The following LTN1 variants were observed in gnomAD, a reference collection of about 807,000 sequenced individuals.
LTN1 encodes the protein listerin E3 ubiquitin protein ligase 1.
A neutral mutation model predicts 201.2 loss-of-function variants in LTN1; 88 were observed. The ratio of observed to expected loss-of-function variants is 0.44; its 90% CI spans 0.37 to 0.52. The LOEUF (loss-of-function observed/expected upper bound fraction) is 0.52. LTN1 is among the 20% of genes least tolerant of loss of function. The pLI is 0.00. For synonymous variants in LTN1, 645 were observed against 713.5 expected (o/e 0.90, Z 1.53); for missense variants, 1,752 against 2,038.7 (o/e 0.86, Z 2.71).
At chr21:28,958,347 T>A (rs1386334452) in intron 14 of LTN1, 39 bp downstream of exon 14, 1 of 1,574,164 alleles carries the variant, frequency 6.4e-7, no homozygotes. Context: ...ACTGTTCAAG[T>A]ATAAAAGAGA....
intron 26 of LTN1, among the ~76,000 whole-genome samples, chr21:28,935,819 G>A (rs374732232): frequency 2.1e-4 from 29 of 136,782 alleles, no homozygotes; most frequent in African/African-American, 7.8e-4. Context: ...CGGCCTGGGC[G>A]ACAGAGCGAG....
chr21:28,980,908 A>G (rs1490953838), intron 6 of LTN1, among the ~76,000 whole-genome samples: 3 of 152,242 alleles, frequency 2.0e-5, no homozygotes, highest in Admixed American at 1.3e-4. Context: ...ATGGTAATTC[A>G]TACTGATAAT....
At position 28,946,423 on chromosome 21, in the gene LTN1, T is replaced by A. The variant is rs531035014; in HGVS notation, c.3488-136A>T. ...AAGAACTCTAATAATGACTTTTATC[T>A]AAGAGTCAACAAATGAGCTTATAAG... is the stretch of plus-strand genomic sequence containing the variant. On this transcript the variant is annotated intron_variant, in intron 19 of 29. Coordinates refer to ENST00000361371, the MANE Select transcript of LTN1 (RefSeq NM_015565.3). 6 of 546,738 alleles carry A rather than the reference T, an allele frequency of 1.1e-5. No individual in the cohort carries two copies. The East Asian group carries it at 1.7e-4, about 15-fold the overall frequency. 33.9% of individuals were successfully genotyped at this position (546,738 alleles called of 1,614,324 possible). A position where few individuals can be genotyped will look rare whatever the true frequency, so the allele number is the denominator to read the frequency against.
At chr21:28,933,314 CA>C (rs1469166044) in intron 27 of LTN1, among the ~76,000 whole-genome samples, 3 of 152,158 alleles carry the variant, frequency 2.0e-5, no homozygotes, top group Admixed American at 6.5e-5. Context: ...CTGCCTCACC[CA>C]TGCCCTAGTC....
intron 11 of LTN1, 163 bp from the exon 12 acceptor site, chr21:28,960,869 T>C: frequency 1.8e-6 from 1 of 569,370 alleles, no homozygotes. Flanking sequence ...TCCTCCCTGT[T>C]CCCCATTAAG....
At chr21:28,937,081 A>C (rs2084262598) in intron 25 of LTN1, among the ~76,000 whole-genome samples, 1 of 152,212 alleles carries the variant, frequency 6.6e-6, no homozygotes, top group African/African-American at 2.4e-5. Context: ...CAGAGAGCAC[A>C]AACTAGTGGT....
At chr21:28,981,027 T>A in intron 6 of LTN1, 92 bp downstream of exon 6, 3 of 715,802 alleles carry the variant, frequency 4.2e-6, no homozygotes, top group Non-Finnish European at 6.4e-6. Flanking sequence ...GCTTGCAGAG[T>A]TCTAAGTATA....
intron 11 of LTN1, 98 bp from the exon 12 acceptor site, chr21:28,960,804 T>C (rs2084471501): frequency 3.8e-6 from 3 of 783,660 alleles, no homozygotes; most frequent in Non-Finnish European, 4.1e-6. Context: ...TTCGTTATCA[T>C]GGCTCCAATT....
At chr21:28,943,158 G>A in intron 24 of LTN1, 104 bp downstream of exon 24, 1 of 609,930 alleles carries the variant, frequency 1.6e-6, no homozygotes, top group East Asian at 2.9e-5. Context: ...TCTGTAGAAT[G>A]AATATAACTC....
At chr21:28,975,775 A>T (rs1289924835) in intron 6 of LTN1, among the ~76,000 whole-genome samples, 2 of 152,246 alleles carry the variant, frequency 1.3e-5, no homozygotes, top group Non-Finnish European at 1.5e-5. Flanking sequence ...TGCTGGTAGG[A>T]GTACTACAAC....
Position 28,946,246 on chromosome 21 carries a change from T to C in LTN1, c.3529A>G (p.Thr1177Ala), listed in dbSNP as rs1193861709. 2 of 1,585,630 alleles carry C rather than the reference T, an allele frequency of 1.3e-6. No individual in the cohort carries two copies. Among genetic ancestry groups the C allele is most frequent in the African/African-American group, 2.7e-5 (2 of 73,240 alleles). The change falls in exon 20 of 30, where the codon ACC becomes GCC. Residue 1177 changes from threonine (T) to alanine (A), a missense_variant. Around this residue, in one of 3 missense-constraint regions of LTN1, gnomAD observed 1,211 missense variants for 1,312.8 expected, o/e 0.92. Coordinates refer to ENST00000361371, the MANE Select transcript of LTN1 (RefSeq NM_015565.3). ...HLAIFNSCLQTKSIDDGELLH... is the reference protein window; with the variant it reads ...HLAIFNSCLQAKSIDDGELLH... ...AGCTCTCCATCATCTATACTTTTGGTTTGCAGACAAGAATTGAAAATGGCA... is the reference window on the plus strand; with the variant it reads ...AGCTCTCCATCATCTATACTTTTGGCTTGCAGACAAGAATTGAAAATGGCA...
In LTN1 at chr21:28,986,018, A is replaced by G; in HGVS notation, c.345+121T>C. ...AAGTGTTAACAATTCAATCTGCATA[A>G]CAATGCTGACATAACATTTAATAAC... On this transcript the variant is annotated intron_variant, in intron 3 of 29. Transcript: ENST00000361371. The surrounding 1 kb of genome is among the most constrained non-coding windows in gnomAD (Gnocchi z 4.1). The G allele has an allele frequency of 1.6e-6, 1 of 637,088 alleles. No homozygotes were observed. Among genetic ancestry groups the G allele is most frequent in the East Asian group, 2.8e-5 (1 of 35,820 alleles). 39.5% of individuals were successfully genotyped at this position (637,088 alleles called of 1,614,324 possible). A position where few individuals can be genotyped will look rare whatever the true frequency, so the allele number is the denominator to read the frequency against.
At chr21:28,973,256 A>G (rs1238355974) in intron 6 of LTN1, among the ~76,000 whole-genome samples, 1 of 151,810 alleles carries the variant, frequency 6.6e-6, no homozygotes, top group Admixed American at 6.6e-5. Context: ...CTGAGGCACA[A>G]AAATCACTTG....
intron 26 of LTN1, 141 bp downstream of exon 26, chr21:28,936,385 A>C (rs1474539679): frequency 3.5e-6 from 2 of 569,750 alleles, no homozygotes; most frequent in South Asian, 4.1e-5. Flanking sequence ...ATTTAGAGAA[A>C]TATGGAAAAT....
chr21:28,991,447 T>C (rs950012984), intron 1 of LTN1, among the ~76,000 whole-genome samples: 2 of 152,224 alleles, frequency 1.3e-5, no homozygotes, highest in Non-Finnish European at 2.9e-5. Flanking sequence ...GGCATTGTTT[T>C]TAGAAGATAC....
rs1250622825 is a variant in LTN1 at position 28,953,289 on chromosome 21, T to G, written c.3167A>C (p.Lys1056Thr). The stretch of plus-strand genomic sequence containing the variant: ...TAAGTTATCATACGTAATATTCATT[T>G]TTTGAAGTATTTCACAAAATCCAAT... ...FLIGFCEILQKMNITYDNLRV... is the reference protein window; with the variant it reads ...FLIGFCEILQTMNITYDNLRV... Residue 1056 changes from lysine to threonine, a missense_variant, in exon 17 of 30, where the codon AAA becomes ACA. This residue lies in a region of LTN1 where 1,211 missense variants were observed against 1,312.8 expected (regional missense o/e 0.92). Coordinates refer to ENST00000361371, the MANE Select transcript of LTN1 (RefSeq NM_015565.3). The G allele has an allele frequency of 6.2e-7, 1 of 1,608,320 alleles. No individual in the cohort carries two copies. The highest frequency in any genetic ancestry group is 8.5e-7 in the Non-Finnish European group (1 of 1,178,334).
At position 28,981,301 on chromosome 21, in the gene LTN1, T is replaced by A; in HGVS notation, c.630-2A>T. On this transcript the variant is annotated splice_acceptor_variant, in intron 5 of 29. Coordinates refer to ENST00000361371, the MANE Select transcript of LTN1 (RefSeq NM_015565.3). LOFTEE classifies it high-confidence loss of function. Reference sequence around the variant, plus strand: ...TCTCTTTCTTCCTCTGGAACAGTTCTTGATATAAAACAAAATAAATATATT... The same window carrying A: ...TCTCTTTCTTCCTCTGGAACAGTTCATGATATAAAACAAAATAAATATATT... 1 of 1,477,780 alleles carries A rather than the reference T, an allele frequency of 6.8e-7. No homozygotes were observed. The highest frequency in any genetic ancestry group is 9.0e-7 in the Non-Finnish European group (1 of 1,114,220). The allele number at this position is 1,477,780 out of a possible 1,614,324, so 91.5% of individuals were successfully genotyped here.
rs1258796882 is a variant in LTN1 at position 28,984,946 on chromosome 21, T to TA, written c.346-25dup. 3.9e-6 allele frequency: 6 copies of TA among 1,541,022 alleles called. No homozygotes were observed. In the African/African-American group the frequency reaches 8.3e-5, roughly 21 times the overall value. ...TCCTATTAAAAATATAAATGTGATT[T>TA]AAAATAGCTCTAGCCCATAAAAACA... On this transcript the variant is annotated intron_variant, in intron 3 of 29. Transcript: ENST00000361371.
At chr21:28,942,401 C>T (rs949410497) in intron 24 of LTN1, among the ~76,000 whole-genome samples, 1 of 151,992 alleles carries the variant, frequency 6.6e-6, no homozygotes, top group African/African-American at 2.4e-5. Context: ...CTATCTCCTA[C>T]CAAGTAATGA....
Sources: gnomAD v4.1 joint callset for allele counts (sites outside exome capture counted in the v4.1 genomes callset) on GRCh38, gnomAD v4.1.1 for gene constraint, gnomAD v4.1.1 regional missense constraint, Gnocchi (gnomAD v3.1) non-coding constraint, MANE v1.5 for transcripts, NCBI Gene and HGNC (gene_info 2026-07-23, HGNC 2026-07-21) for gene names.